ZNF333: variants seen among roughly 807,000 people sequenced by gnomAD.
The protein encoded by ZNF333 is zinc finger protein 333.
A neutral mutation model predicts 76.1 loss-of-function variants in ZNF333; 61 were observed. The observed-to-expected ratio is 0.80, with a 90% CI of 0.65 to 0.99. ZNF333 has a LOEUF of 0.99. Ranked by LOEUF, ZNF333 falls within the 50% of genes least tolerant of loss-of-function variation. The pLI is 0.00. For missense variants in ZNF333, 717 were observed against 822.4 expected (o/e 0.87, Z 1.57); for synonymous variants, 284 against 305.0 (o/e 0.93, Z 0.72).
chr19:14,732,839 T>A (rs1047458280), exon 12 of ZNF333: 1 of 152,200 alleles, frequency 6.6e-6, no homozygotes, highest in African/African-American at 2.4e-5. Flanking sequence ...TGATCATTCA[T>A]TTATGATTGT....
chr19:14,699,303 C>G, intron 5 of ZNF333, 22 bp downstream of exon 5: 1 of 1,608,062 alleles, frequency 6.2e-7, no homozygotes. Flanking sequence ...GGGGTTTTCC[C>G]CGGCTCCCAG....
At chr19:14,729,230 T>C (rs1207401188) in intron 11 of ZNF333, among the ~76,000 whole-genome samples, 1 of 152,210 alleles carries the variant, frequency 6.6e-6, no homozygotes, top group African/African-American at 2.4e-5. Context: ...TTCTCAACTG[T>C]GACCTTATTG....
At chr19:14,709,769 C>CCAA (rs1300610997) in intron 7 of ZNF333, among the ~76,000 whole-genome samples, 2 of 152,230 alleles carry the variant, frequency 1.3e-5, no homozygotes, top group African/African-American at 4.8e-5. Context: ...TCACCAGGAA[C>CCAA]CAACCATGCT....
intron 9 of ZNF333, 41 bp from the exon 10 acceptor site, chr19:14,716,953 G>A: frequency 6.4e-7 from 1 of 1,562,054 alleles, no homozygotes. Context: ...TCAGGGCATG[G>A]CACAGTCCTC....
exon 12 of ZNF333, chr19:14,731,806 C>T (rs1179509008): frequency 1.3e-5 from 2 of 152,106 alleles, no homozygotes; most frequent in African/African-American, 4.8e-5. Context: ...TCAAACACAA[C>T]CCATGAGCAA....
At chr19:14,701,369 A>T (rs73508037) in intron 5 of ZNF333, among the ~76,000 whole-genome samples, 12,203 of 152,230 alleles carry the variant, frequency 0.08, 735 homozygotes, top group African/African-American at 0.17. Flanking sequence ...CCTCCCGAGT[A>T]GCTGGGACTA....
intron 11 of ZNF333, among the ~76,000 whole-genome samples, chr19:14,728,707 G>A (rs1283462112): frequency 6.6e-6 from 1 of 152,212 alleles, no homozygotes; most frequent in Admixed American, 6.5e-5. Context: ...CTTAGGTCAT[G>A]TTGAATATAA....
chr19:14,693,624 A>G, intron 2 of ZNF333, 130 bp downstream of exon 2: 1 of 1,137,748 alleles, frequency 8.8e-7, no homozygotes, highest in Non-Finnish European at 1.2e-6. Context: ...AGTGAGGAGC[A>G]TCCTCATCCC....
At chr19:14,724,712 G>C (rs562217318), downstream of ZNF333, among the ~76,000 whole-genome samples, 1 of 148,918 alleles carries the variant, frequency 6.7e-6, no homozygotes, top group Non-Finnish European at 1.5e-5. Context: ...GTTGCAGTGA[G>C]CCGACATCAT....
In ZNF333 at chr19:14,695,672, G is replaced by C. The variant is rs1162719498; in HGVS notation, c.223+11G>C. On this transcript the variant is annotated intron_variant, in intron 4 of 11. Coordinates refer to ENST00000292530, the MANE Select transcript of ZNF333 (RefSeq NM_032433.4). ...GTGCCACAGGTGTTGGTGAGTACCA[G>C]GCAGGCTGTGGATCCCCCGACCCCC... 5 of 1,613,376 alleles carry C rather than the reference G, an allele frequency of 3.1e-6. No individual in the cohort carries two copies. The African/African-American group carries it at 6.7e-5, about 22-fold the overall frequency.
rs554754636 is a variant in ZNF333 at position 14,719,461 on chromosome 19, G to A, written c.*136G>A. On this transcript the variant is annotated 3_prime_UTR_variant, in exon 12 of 12. Coordinates refer to ENST00000292530, the MANE Select transcript of ZNF333 (RefSeq NM_032433.4). ...AAGTATTGTCTTAACCTCCATTATCGTTTATTCTTTGACCCATCTATTATT... is the reference window on the plus strand; with the variant it reads ...AAGTATTGTCTTAACCTCCATTATCATTTATTCTTTGACCCATCTATTATT... 108 of 1,149,090 alleles carry A rather than the reference G, an allele frequency of 9.4e-5. No homozygotes were observed. In the African/African-American group the frequency reaches 9.9e-4, roughly 10 times the overall value. The allele number at this position is 1,149,090 out of a possible 1,614,324, so 71.2% of individuals were successfully genotyped here.
chr19:14,693,112 A>T (rs942033513), intron 1 of ZNF333, among the ~76,000 whole-genome samples: 7 of 152,242 alleles, frequency 4.6e-5, no homozygotes, highest in African/African-American at 1.7e-4. Context: ...TGAGACTCAA[A>T]AAAAAAGGTT....
chr19:14,704,103 C>T (rs182387506), intron 5 of ZNF333, among the ~76,000 whole-genome samples: 4 of 152,278 alleles, frequency 2.6e-5, no homozygotes, highest in Admixed American at 6.5e-5. Context: ...CACGGCCATC[C>T]CTCTGTGCCA....
chr19:14,715,457 C>T lies in ZNF333; in HGVS notation c.587C>T (p.Thr196Ile). 1 of 1,613,934 alleles carries T rather than the reference C, an allele frequency of 6.2e-7. No individual in the cohort carries two copies. The highest frequency in any genetic ancestry group is 1.1e-5 in the South Asian group (1 of 91,078). ...EEEAMAPGLP[T>I]ACSQEPVTFA... Reference sequence around the variant, plus strand: ...GAAGCTATGGCTCCTGGGCTGCCAACCGCCTGTTCACAGGTAGGTAAGAAC... The same window carrying T: ...GAAGCTATGGCTCCTGGGCTGCCAATCGCCTGTTCACAGGTAGGTAAGAAC... The change falls in exon 8 of 12, where the codon ACC becomes ATC. Residue 196 changes from threonine to isoleucine, a missense_variant. Physicochemically the swap from Thr to Ile is moderately conservative, Grantham distance 89 (BLOSUM62 -1). Transcript: ENST00000292530.
At chr19:14,698,500 G>A (rs1341060653) in intron 4 of ZNF333, among the ~76,000 whole-genome samples, 3 of 151,120 alleles carry the variant, frequency 2.0e-5, no homozygotes, top group African/African-American at 7.3e-5. Flanking sequence ...AGCCAAGATC[G>A]CACCACTGCA....
At chr19:14,712,574 G>A (rs111476010) in intron 7 of ZNF333, among the ~76,000 whole-genome samples, 24,879 of 151,926 alleles carry the variant, frequency 0.16, 2,332 homozygotes, top group Middle Eastern at 0.26. Flanking sequence ...CCAAAAGTCC[G>A]AAATTAAGGT....
chr19:14,717,693 A>G lies in ZNF333; in HGVS notation c.860A>G (p.Gln287Arg). ...QCQPQEAIPS[Q>R]DTFTEILSID... ...CAACCCCAAGAGGCAATTCCTAGCC[A>G]AGATACTTTTACAGAGATCCTGTCC... The change falls in exon 11 of 12, where the codon CAA (glutamine) becomes CGA (arginine). Residue 287 changes from glutamine to arginine, a missense_variant. Coordinates refer to ENST00000292530, the MANE Select transcript of ZNF333 (RefSeq NM_032433.4). The G allele has an allele frequency of 6.2e-7, 1 of 1,614,140 alleles. No homozygotes were observed. The highest frequency in any genetic ancestry group is 8.5e-7 in the Non-Finnish European group (1 of 1,180,008).
chr19:14,728,081 T>C (rs745774614), intron 11 of ZNF333, among the ~76,000 whole-genome samples: 18 of 152,132 alleles, frequency 1.2e-4, no homozygotes, highest in Non-Finnish European at 2.1e-4. Flanking sequence ...GGTGTGGTGG[T>C]GGGCGCCTGT....
intron 7 of ZNF333, among the ~76,000 whole-genome samples, chr19:14,712,957 T>C (rs1160625174): frequency 2.0e-5 from 3 of 152,134 alleles, no homozygotes; most frequent in Non-Finnish European, 1.5e-5. Flanking sequence ...CCTTTCCACA[T>C]GCAAAATACA....
Sources: gnomAD v4.1 joint callset for allele counts (sites outside exome capture counted in the v4.1 genomes callset) on GRCh38, gnomAD v4.1.1 for gene constraint, MANE v1.5 for transcripts, NCBI Gene and HGNC (gene_info 2026-07-23, HGNC 2026-07-21) for gene names.